The following GUCY2C variants were observed in gnomAD, a reference collection of about 807,000 sequenced individuals.
The protein encoded by GUCY2C is guanylyl cyclase C.
In GUCY2C, 118 loss-of-function variants were observed where a neutral mutation model predicts 131.1. The observed-to-expected ratio is 0.90, with a 90% CI of 0.78 to 1.05. GUCY2C has a LOEUF of 1.05. Among genes scored for constraint, GUCY2C ranks in the 50% least tolerant of loss-of-function variants. The pLI is 0.00. For missense variants in GUCY2C, 1,161 were observed against 1,304.4 expected, an observed-to-expected ratio of 0.89 and a Z score of 1.69; for synonymous variants, 452 against 457.8, an observed-to-expected ratio of 0.99 and a Z score of 0.16.
At chr12:14,638,697 T>C (rs952447866) in intron 19 of GUCY2C, among the ~76,000 whole-genome samples, 1 of 152,050 alleles carries the variant, frequency 6.6e-6, no homozygotes, top group African/African-American at 2.4e-5. Flanking sequence ...AGCCAGAGAC[T>C]GGGAAGGGTG....
At chr12:14,628,982 G>A (rs16910090) in intron 19 of GUCY2C, among the ~76,000 whole-genome samples, 3,688 of 152,210 alleles carry the variant, frequency 0.024, 167 homozygotes, top group African/African-American at 0.084. Context: ...AGATGAGGCC[G>A]GGTTGATACG....
intron 19 of GUCY2C, among the ~76,000 whole-genome samples, chr12:14,635,133 C>A (rs990164319): frequency 6.6e-6 from 1 of 152,178 alleles, no homozygotes; most frequent in East Asian, 1.9e-4. Flanking sequence ...ATTTACAGAA[C>A]ATTTCATTCA....
In GUCY2C at chr12:14,688,083, G is replaced by GA. The variant is rs769982384; in HGVS notation, c.218-21dup. On this transcript the variant is annotated intron_variant, in intron 1 of 26. Coordinates refer to ENST00000261170, the MANE Select transcript of GUCY2C (RefSeq NM_004963.4). ...TTAGGCCTGTCGCCCAGAGATGAGGGAAAATAGAACACTAGTGTTATTTTT... is the reference window on the plus strand; with the variant it reads ...TTAGGCCTGTCGCCCAGAGATGAGGGAAAAATAGAACACTAGTGTTATTTTT... 1.4e-6 allele frequency: 2 copies of GA among 1,416,082 alleles called. No homozygotes were observed. The highest frequency in any genetic ancestry group is 2.8e-5 in the African/African-American group (2 of 70,990). The allele number at this position is 1,416,082 out of a possible 1,614,324, so 87.7% of individuals were successfully genotyped here.
Position 14,628,783 on chromosome 12 carries a change from T to C in GUCY2C, c.2158-46A>G, listed in dbSNP as rs2136995944. 3.3e-6 allele frequency: 3 copies of C among 913,022 alleles called. No individual in the cohort carries two copies. The South Asian group carries it at 3.9e-5, about 12-fold the overall frequency. The allele number at this position is 913,022 out of a possible 1,614,324, so 56.6% of individuals were successfully genotyped here. On this transcript the variant is annotated intron_variant, in intron 19 of 26. Transcript: ENST00000261170. Reference sequence around the variant, plus strand: ...CAAATTAGCTAAGGGGATAGTAAACTAAATCAAGAGAGAATTCTTATTCTC... The same window carrying C: ...CAAATTAGCTAAGGGGATAGTAAACCAAATCAAGAGAGAATTCTTATTCTC...
Position 14,630,477 on chromosome 12 carries a change from T to G in GUCY2C, c.2158-1740A>C, listed in dbSNP as rs149394255. On this transcript the variant is annotated intron_variant, in intron 19 of 26. Coordinates refer to ENST00000261170, the MANE Select transcript of GUCY2C (RefSeq NM_004963.4). ...GGAAAAAACAGGATGGTTTTGTCTG[T>G]GTTGAACATGTACCGACCTTTTTTT... Among the ~76,000 whole-genome samples, 350 of 152,304 alleles carry G rather than the reference T, an allele frequency of 2.3e-3. 3 individuals carry two copies. The highest frequency in any genetic ancestry group is 8.0e-3 in the African/African-American group (334 of 41,578).
At position 14,618,364 on chromosome 12, in the gene GUCY2C, A is replaced by T. The variant is rs1484887354; in HGVS notation, c.2875+847T>A. Among the ~76,000 whole-genome samples, 2 of 151,998 alleles carry T rather than the reference A, an allele frequency of 1.3e-5. 1 individual carries two copies. The highest frequency in any genetic ancestry group is 3.9e-4 in the East Asian group (2 of 5,170). On this transcript the variant is annotated intron_variant, in intron 24 of 26. Coordinates refer to ENST00000261170, the MANE Select transcript of GUCY2C (RefSeq NM_004963.4). ...CACACCTCTACAGAAAAAATTAAAA[A>T]ATTAGCTGTGCATGGTGGCATGCCT...
rs902952065 is a variant in GUCY2C, at chr12:14,613,793, C to T, written c.3048-502G>A. ...TTGTTTTGGCTTTTCTAGAAGGTTG[C>T]CATCTCTCTGGGTCTGACATCTAGG... On this transcript the variant is annotated intron_variant, in intron 26 of 26. Transcript: ENST00000261170. This position sits in a 1 kb window ranked among gnomAD's most constrained non-coding sequence, Gnocchi z 4.9. Among the ~76,000 whole-genome samples the T allele has an allele frequency of 6.6e-6, 1 of 152,078 alleles. No homozygotes were observed. The highest frequency in any genetic ancestry group is 1.5e-5 in the Non-Finnish European group (1 of 68,016).
At chr12:14,653,085 A>T in intron 12 of GUCY2C, 71 bp from the exon 13 acceptor site, 5 of 1,117,172 alleles carry the variant, frequency 4.5e-6, no homozygotes, top group Non-Finnish European at 6.9e-6. Flanking sequence ...TCAAAGGCTG[A>T]GAGGCTCTTC....
intron 22 of GUCY2C, 72 bp from the exon 23 acceptor site, chr12:14,621,288 CA>C: frequency 7.6e-7 from 1 of 1,314,170 alleles, no homozygotes; most frequent in South Asian, 1.3e-5. Context: ...AGCAGTTAAT[CA>C]CATGTCAAAC....
In GUCY2C at chr12:14,696,537, C is replaced by G. The variant is rs557633657; in HGVS notation, c.-89G>C. On this transcript the variant is annotated 5_prime_UTR_variant, in exon 1 of 27. Coordinates refer to ENST00000261170, the MANE Select transcript of GUCY2C (RefSeq NM_004963.4). ...GGAGGCAGGGAATCCAGATGGACAGCCTCTAGTGGAGTCCCTCAGCCCACT... is the reference window on the plus strand; with the variant it reads ...GGAGGCAGGGAATCCAGATGGACAGGCTCTAGTGGAGTCCCTCAGCCCACT... 5 of 945,432 alleles carry G rather than the reference C, an allele frequency of 5.3e-6. No homozygotes were observed. Among genetic ancestry groups the G allele is most frequent in the African/African-American group, 1.6e-5 (1 of 62,170 alleles). The allele number at this position is 945,432 out of a possible 1,614,324, so 58.6% of individuals were successfully genotyped here. A position where few individuals can be genotyped will look rare whatever the true frequency, so the allele number is the denominator to read the frequency against.
intron 9 of GUCY2C, among the ~76,000 whole-genome samples, chr12:14,671,189 G>A (rs1335404992): frequency 6.6e-6 from 1 of 151,918 alleles, no homozygotes; most frequent in African/African-American, 2.4e-5. Flanking sequence ...AAAATGTTCT[G>A]GACAGCAAAG....
At chr12:14,693,480 T>A (rs894038255) in intron 1 of GUCY2C, among the ~76,000 whole-genome samples, 4 of 152,102 alleles carry the variant, frequency 2.6e-5, no homozygotes, top group Non-Finnish European at 5.9e-5. Context: ...CTAAAAAAAA[T>A]ATTGATCATT....
At chr12:14,636,107 C>G (rs1225385490) in intron 19 of GUCY2C, among the ~76,000 whole-genome samples, 1 of 152,046 alleles carries the variant, frequency 6.6e-6, no homozygotes, top group African/African-American at 2.4e-5. Flanking sequence ...TCTACAAGGC[C>G]AGCAGTACCC....
chr12:14,643,916 T>C (rs1285329946), intron 16 of GUCY2C, among the ~76,000 whole-genome samples: 1 of 152,224 alleles, frequency 6.6e-6, no homozygotes, highest in Non-Finnish European at 1.5e-5. Flanking sequence ...TCTGTTTAAA[T>C]GACAGAGTAA....
Position 14,625,822 on chromosome 12 carries a change from T to C in GUCY2C, c.2343A>G (p.Glu781=). The stretch of plus-strand genomic sequence containing the variant: ...TCTCTGCCTTGTACAGCTGTGTCCT[T>C]TCCTCTACCAGATGTTCCAGGTTTC... The part of the protein sequence containing the change: ...YSRNLEHLVE[E]RTQLYKAERD... The change falls in exon 21 of 27, where the codon GAA becomes GAG. Residue 781 remains glutamate, a synonymous_variant. Transcript: ENST00000261170. 1 of 1,613,576 alleles carries C rather than the reference T, an allele frequency of 6.2e-7. No homozygotes were observed. The highest frequency in any genetic ancestry group is 8.5e-7 in the Non-Finnish European group (1 of 1,179,466).
intron 18 of GUCY2C, among the ~76,000 whole-genome samples, chr12:14,640,566 G>A (rs1396585170): frequency 2.6e-5 from 4 of 151,824 alleles, no homozygotes; most frequent in Non-Finnish European, 5.9e-5. Flanking sequence ...GGCTTCTTCT[G>A]TCCATACTTT....
chr12:14,677,490 G>A (rs1355971987), intron 6 of GUCY2C, among the ~76,000 whole-genome samples: 1 of 152,116 alleles, frequency 6.6e-6, no homozygotes, highest in Non-Finnish European at 1.5e-5. Flanking sequence ...ACAATGCCTG[G>A]CACATTGTAG....
rs112926992 is a variant in GUCY2C, at chr12:14,661,078, C to T, written c.1283-16G>A. The stretch of plus-strand genomic sequence containing the variant: ...ATCTGAGGGCCTGTGGCGGAAAATG[C>T]GTTAGGAAGGACCTTAGACAAGAGA... On this transcript the variant is annotated splice_polypyrimidine_tract_variant and intron_variant, in intron 10 of 26. Transcript: ENST00000261170. 2.8e-4 allele frequency: 431 copies of T among 1,536,908 alleles called. 1 individual carries two copies. In the African/African-American group the frequency reaches 4.9e-3, roughly 18 times the overall value.
intron 10 of GUCY2C, among the ~76,000 whole-genome samples, chr12:14,667,055 TCAG>T (rs1947996763): frequency 6.6e-6 from 1 of 152,116 alleles, no homozygotes; most frequent in African/African-American, 2.4e-5. Flanking sequence ...ATTGAGGAAG[TCAG>T]TTCTCTTTAA....
Sources: gnomAD v4.1 joint callset for allele counts (sites outside exome capture counted in the v4.1 genomes callset) on GRCh38, gnomAD v4.1.1 for gene constraint, Gnocchi (gnomAD v3.1) non-coding constraint, MANE v1.5 for transcripts, NCBI Gene and HGNC (gene_info 2026-07-23, HGNC 2026-07-21) for gene names.